Variants in NEGR1 observed in about 807,000 individuals in gnomAD.
NEGR1 encodes the protein IgLON family member 4.
Under a neutral mutation model 40.9 loss-of-function variants are expected in NEGR1, and 10 were observed. The ratio of observed to expected loss-of-function variants is 0.24; its 90% CI spans 0.15 to 0.42. The LOEUF (loss-of-function observed/expected upper bound fraction) is 0.42, where lower values mean the gene tolerates loss of function less well. Among genes scored for constraint, NEGR1 ranks in the 10% least tolerant of loss-of-function variants. NEGR1 has a pLI of 1.00. For synonymous variants in NEGR1, 185 were observed against 166.8 expected, an observed-to-expected ratio of 1.11 and a Z score of -0.84; for missense variants, 352 against 438.9, an observed-to-expected ratio of 0.80 and a Z score of 1.77.
At chr1:72,054,050 T>G (rs1023856299) in intron 1 of NEGR1, among the ~76,000 whole-genome samples, 2 of 151,252 alleles carry the variant, frequency 1.3e-5, no homozygotes, top group African/African-American at 4.8e-5. Context: ...TAGACTTAAT[T>G]AGCTCTGGGG....
At chr1:71,640,313 C>G (rs1181168065) in intron 4 of NEGR1, among the ~76,000 whole-genome samples, 1 of 152,022 alleles carries the variant, frequency 6.6e-6, no homozygotes, top group East Asian at 1.9e-4. Flanking sequence ...ACTCATGGGA[C>G]ACAGACCTCT....
chr1:71,645,465 A>G (rs1348022928), intron 4 of NEGR1, among the ~76,000 whole-genome samples: 1 of 151,912 alleles, frequency 6.6e-6, no homozygotes, highest in East Asian at 1.9e-4. Flanking sequence ...TGTTCATATA[A>G]TATAGTCTTA....
chr1:72,172,243 T>A (rs1048186541), intron 1 of NEGR1, among the ~76,000 whole-genome samples: 2 of 152,092 alleles, frequency 1.3e-5, no homozygotes, highest in Non-Finnish European at 2.9e-5. Context: ...TAATAAAATA[T>A]TTCTACTAGT....
intron 2 of NEGR1, among the ~76,000 whole-genome samples, chr1:71,894,288 T>C (rs1051946131): frequency 7.3e-5 from 11 of 150,610 alleles, no homozygotes; most frequent in Non-Finnish European, 1.3e-4. Flanking sequence ...CTTTTTGGTA[T>C]GTGCTTGAAT....
At chr1:71,554,796 A>G (rs1019583316) in intron 6 of NEGR1, among the ~76,000 whole-genome samples, 4 of 151,490 alleles carry the variant, frequency 2.6e-5, no homozygotes, top group African/African-American at 9.7e-5. Context: ...TTCACCAATT[A>G]GGTTGCTGGA....
At chr1:71,988,381 T>A (rs1316718597) in intron 1 of NEGR1, among the ~76,000 whole-genome samples, 1 of 151,186 alleles carries the variant, frequency 6.6e-6, no homozygotes, top group Non-Finnish European at 1.5e-5. Flanking sequence ...CTACTAAAAA[T>A]ACAAAAAATT....
chr1:71,620,435 G>A (rs1650575012), intron 4 of NEGR1, among the ~76,000 whole-genome samples: 1 of 151,908 alleles, frequency 6.6e-6, no homozygotes, highest in Non-Finnish European at 1.5e-5. Context: ...TATAAGATGT[G>A]TTCAATATAT....
intron 6 of NEGR1, among the ~76,000 whole-genome samples, chr1:71,427,801 G>C (rs1050524086): frequency 7.2e-5 from 11 of 151,996 alleles, no homozygotes; most frequent in African/African-American, 2.7e-4. Context: ...TTTAATTCTA[G>C]CATTCTAGAA....
chr1:72,254,538 T>TA (rs1655202052), intron 1 of NEGR1, among the ~76,000 whole-genome samples: 1 of 151,778 alleles, frequency 6.6e-6, no homozygotes, highest in Non-Finnish European at 1.5e-5. Flanking sequence ...CCATCTCTAC[T>TA]AAAAATACAA....
intron 2 of NEGR1, among the ~76,000 whole-genome samples, chr1:71,931,062 G>A (rs1157710340): frequency 6.6e-6 from 1 of 152,148 alleles, no homozygotes; most frequent in African/African-American, 2.4e-5. Flanking sequence ...AGGTTCTAGA[G>A]AAATAAGCCC....
chr1:72,041,078 AT>A (rs1229650989), intron 1 of NEGR1, among the ~76,000 whole-genome samples: 1 of 152,070 alleles, frequency 6.6e-6, no homozygotes, highest in African/African-American at 2.4e-5. Flanking sequence ...CAATTTCCCT[AT>A]AGACAAAGTA....
At chr1:72,141,601 T>C (rs1650680842) in intron 1 of NEGR1, among the ~76,000 whole-genome samples, 1 of 152,028 alleles carries the variant, frequency 6.6e-6, no homozygotes, top group African/African-American at 2.4e-5. Flanking sequence ...GTGACAGTAA[T>C]GTTGGTCAAA....
chr1:71,787,063 A>T lies in NEGR1; in HGVS notation c.410-10766T>A, dbSNP rs1431478800. Among the ~76,000 whole-genome samples the T allele has an allele frequency of 3.9e-5, 6 of 152,334 alleles. No homozygotes were observed. In the East Asian group the frequency reaches 9.7e-4, roughly 25 times the overall value. ...GAAAGCTTGGGAAGCACTTCAGCTC[A>T]TCTAAGCCCTGACTGCCTAAGTCAT... is the stretch of plus-strand genomic sequence containing the variant. On this transcript the variant is annotated intron_variant, in intron 2 of 6. Transcript: ENST00000357731.
At chr1:71,860,020 T>A (rs992106892) in intron 2 of NEGR1, among the ~76,000 whole-genome samples, 1 of 151,932 alleles carries the variant, frequency 6.6e-6, no homozygotes, top group Non-Finnish European at 1.5e-5. Flanking sequence ...AACAGTCTAT[T>A]TCCAGACCCC....
intron 6 of NEGR1, among the ~76,000 whole-genome samples, chr1:71,582,147 A>T (rs1649161662): frequency 1.3e-5 from 2 of 152,206 alleles, no homozygotes; most frequent in Non-Finnish European, 2.9e-5. Flanking sequence ...TTTTAATGAT[A>T]TTGTAAAATA....
intron 6 of NEGR1, among the ~76,000 whole-genome samples, chr1:71,590,832 CATTT>C (rs1165593414): frequency 6.6e-6 from 1 of 152,148 alleles, no homozygotes; most frequent in Non-Finnish European, 1.5e-5. Context: ...CTCATTCACT[CATTT>C]ATTTATTCAT....
intron 6 of NEGR1, among the ~76,000 whole-genome samples, chr1:71,533,783 G>T (rs183214909): frequency 6.6e-6 from 1 of 151,522 alleles, no homozygotes; most frequent in Non-Finnish European, 1.5e-5. Context: ...GATAATAAAA[G>T]TACCAGTGAT....
intron 6 of NEGR1, among the ~76,000 whole-genome samples, chr1:71,474,280 A>AGTGTGTGTGT (rs1454182414): frequency 8.6e-6 from 1 of 116,034 alleles, no homozygotes; most frequent in African/African-American, 3.7e-5. Context: ...AAAACAGGAA[A>AGTGTGTGTGT]ATGTGTGTGT....
chr1:72,267,216 T>A (rs1195500906), intron 1 of NEGR1, among the ~76,000 whole-genome samples: 1 of 151,090 alleles, frequency 6.6e-6, no homozygotes, highest in Non-Finnish European at 1.5e-5. Context: ...ATTTTTAAAA[T>A]AATTCATAGA....
Sources: gnomAD v4.1 joint callset for allele counts (sites outside exome capture counted in the v4.1 genomes callset) on GRCh38, gnomAD v4.1.1 for gene constraint, MANE v1.5 for transcripts, NCBI Gene and HGNC (gene_info 2026-07-23, HGNC 2026-07-21) for gene names.